NID2: variants seen among roughly 807,000 people sequenced by gnomAD.
The protein encoded by NID2 is nidogen 2, also known as nidogen-2.
Under a neutral mutation model 145.4 loss-of-function variants are expected in NID2, and 83 were observed. That is an observed-to-expected ratio of 0.57 (90% CI 0.48 to 0.69). The LOEUF (loss-of-function observed/expected upper bound fraction) is 0.69, where lower values mean the gene tolerates loss of function less well. Ranked by LOEUF, NID2 falls within the 30% of genes least tolerant of loss-of-function variation. The pLI, the probability that NID2 is intolerant of heterozygous loss-of-function variation, is 0.00. For synonymous variants in NID2, 739 were observed against 701.3 expected (o/e 1.05, Z -0.85); for missense variants, 1,807 against 1,765.7 (o/e 1.02, Z -0.42).
intron 5 of NID2, among the ~76,000 whole-genome samples, chr14:52,044,801 G>T (rs111845598): frequency 5.6e-4 from 85 of 151,944 alleles, no homozygotes; most frequent in Admixed American, 1.8e-3. Context: ...GGGTGGGTTG[G>T]GGGGAGGGGT....
Position 52,054,091 on chromosome 14 carries a change from T to C in NID2, c.998A>G (p.Glu333Gly). The C allele has an allele frequency of 6.2e-7, 1 of 1,614,216 alleles. No homozygotes were observed. The highest frequency in any genetic ancestry group is 1.1e-5 in the South Asian group (1 of 91,082). The change falls in exon 4 of 22, where the codon GAG (glutamate) becomes GGG (glycine). Residue 333 changes from glutamate (E) to glycine (G), a missense_variant. Coordinates refer to ENST00000216286, the MANE Select transcript of NID2 (RefSeq NM_007361.4). ...EEAEYLPGEP[E>G]EALNGHSSID... Reference sequence around the variant, plus strand: ...GCTGCTGTGGCCATTCAATGCCTCCTCTGGTTCACCCGGAAGGTATTCAGC... The same window carrying C: ...GCTGCTGTGGCCATTCAATGCCTCCCCTGGTTCACCCGGAAGGTATTCAGC...
At chr14:52,036,827 T>C (rs2516592) in intron 9 of NID2, among the ~76,000 whole-genome samples, 123,001 of 152,124 alleles carry the variant, frequency 0.81, 49,909 homozygotes, top group South Asian at 0.89. Flanking sequence ...CTTGCAGAGC[T>C]TTTGCCCATC....
chr14:52,005,562 C>T (rs1890740774), intron 21 of NID2, 66 bp from the exon 22 acceptor site: 1 of 1,547,760 alleles, frequency 6.5e-7, no homozygotes, highest in African/African-American at 1.4e-5. Flanking sequence ...GTTGCAACAG[C>T]AAGTCTTTGC....
At chr14:52,009,708 A>G (rs1890932910) in intron 18 of NID2, 1 of 152,244 alleles carries the variant, frequency 6.6e-6, no homozygotes, top group Non-Finnish European at 1.5e-5. Flanking sequence ...CCAAGAAGGA[A>G]TAAGGGGCCG....
At chr14:52,021,430 C>G (rs993038607) in intron 12 of NID2, among the ~76,000 whole-genome samples, 1 of 152,290 alleles carries the variant, frequency 6.6e-6, no homozygotes, top group Non-Finnish European at 1.5e-5. Context: ...CTAGAGTTAC[C>G]TGCACCACCC....
intron 5 of NID2, among the ~76,000 whole-genome samples, chr14:52,052,528 C>T (rs1198435106): frequency 6.6e-6 from 1 of 152,192 alleles, no homozygotes; most frequent in Non-Finnish European, 1.5e-5. Context: ...AACTCGAAGC[C>T]GACACCAATG....
chr14:52,005,891 A>C, intron 20 of NID2, 42 bp from the exon 21 acceptor site: 1 of 1,431,144 alleles, frequency 7.0e-7, no homozygotes, highest in South Asian at 1.1e-5. Flanking sequence ...ACAGTCATTT[A>C]CTAGATAAAG....
intron 15 of NID2, among the ~76,000 whole-genome samples, chr14:52,014,851 T>C (rs1408073405): frequency 1.3e-5 from 2 of 152,124 alleles, no homozygotes; most frequent in African/African-American, 2.4e-5. Context: ...GTTCCAATTA[T>C]GGAAGCTGCT....
chr14:52,040,555 C>T (rs1390322896), intron 8 of NID2, 96 bp downstream of exon 8: 7 of 1,039,672 alleles, frequency 6.7e-6, no homozygotes, highest in African/African-American at 1.6e-5. Flanking sequence ...ATGCACTGTT[C>T]TAAGGACATG....
intron 5 of NID2, among the ~76,000 whole-genome samples, chr14:52,050,619 CT>C (rs1176779308): frequency 6.6e-6 from 1 of 151,304 alleles, no homozygotes; most frequent in African/African-American, 2.4e-5. Context: ...TACAGGACAA[CT>C]TTTTTTTTCA....
intron 3 of NID2, among the ~76,000 whole-genome samples, chr14:52,056,778 C>G (rs2013404): frequency 6.6e-6 from 1 of 151,950 alleles, no homozygotes; most frequent in Admixed American, 6.6e-5. Flanking sequence ...GATGACAGAA[C>G]GAGACTCCAT....
At chr14:52,018,053 G>A (rs534748246) in intron 14 of NID2, among the ~76,000 whole-genome samples, 520 of 152,218 alleles carry the variant, frequency 3.4e-3, no homozygotes, top group African/African-American at 0.012. Context: ...TCTTGACCTC[G>A]TGATCCACCC....
intron 3 of NID2, among the ~76,000 whole-genome samples, chr14:52,054,901 C>T (rs1540701): frequency 0.98 from 149,138 of 152,332 alleles, 73,086 homozygotes; most frequent in Middle Eastern, 1. Context: ...ATCAATCTGC[C>T]CCATAATCCA....
At chr14:52,039,024 AT>A (rs778008847) in intron 8 of NID2, 47 bp from the exon 9 acceptor site, 5 of 1,340,164 alleles carry the variant, frequency 3.7e-6, no homozygotes, top group Non-Finnish European at 5.1e-6. Flanking sequence ...AAATACAGAG[AT>A]TTTCATGTGA....
chr14:52,036,493 CTA>C (rs954042722), intron 9 of NID2, among the ~76,000 whole-genome samples: 3 of 152,112 alleles, frequency 2.0e-5, no homozygotes, highest in Admixed American at 1.3e-4. Flanking sequence ...TTGTGGGGAT[CTA>C]TGTTTTCATT....
intron 9 of NID2, among the ~76,000 whole-genome samples, chr14:52,030,471 C>T (rs553729988): frequency 3.5e-4 from 8 of 23,010 alleles, no homozygotes; most frequent in East Asian, 1.3e-3. Context: ...GACCTTATCT[C>T]GAGAGAAAGA....
In NID2 at chr14:52,042,819, G is replaced by C. The variant is rs776098249; in HGVS notation, c.1542C>G (p.Ser514=). Residue 514 remains serine, a synonymous_variant, in exon 6 of 22, where the codon TCC becomes TCG. Coordinates refer to ENST00000216286, the MANE Select transcript of NID2 (RefSeq NM_007361.4). Reference sequence around the variant, plus strand: ...AGTGCTTCCCATTTCCATAAAACTTGGATTGGCAGTGGCAGCAGAAGCCAG... The same window carrying C: ...AGTGCTTCCCATTTCCATAAAACTTCGATTGGCAGTGGCAGCAGAAGCCAG... ...YATGFCCHCQ[S]KFYGNGKHCL... is the part of the protein sequence containing the mutation. The C allele has an allele frequency of 7.4e-6, 12 of 1,614,040 alleles. No individual in the cohort carries two copies. Among genetic ancestry groups the C allele is most frequent in the Non-Finnish European group, 8.5e-6 (10 of 1,180,024 alleles).
intron 9 of NID2, among the ~76,000 whole-genome samples, chr14:52,030,383 A>G (rs145938981): frequency 0.058 from 8,818 of 151,170 alleles, 337 homozygotes; most frequent in Middle Eastern, 0.13. Flanking sequence ...CATGCCTGTA[A>G]TCCCAGCACT....
In NID2 at chr14:52,006,649, G is replaced by A; in HGVS notation, c.3892C>T (p.Leu1298=). 6.2e-7 allele frequency: 1 copy of A among 1,613,296 alleles called. No homozygotes were observed. The highest frequency in any genetic ancestry group is 8.5e-7 in the Non-Finnish European group (1 of 1,179,554). Residue 1298 remains leucine, a synonymous_variant, in exon 20 of 22, where the codon CTG becomes TTG. Transcript: ENST00000216286. ...LCWADAGTKK[L]ECTLPDGTGR... is the part of the protein sequence containing the mutation. ...GTTCCATCAGGTAGTGTACACTCCA[G>A]TTTTTTGGTTCCTTTTAAAACAAAG... is the stretch of plus-strand genomic sequence containing the variant.
Sources: gnomAD v4.1 joint callset for allele counts (sites outside exome capture counted in the v4.1 genomes callset) on GRCh38, gnomAD v4.1.1 for gene constraint, MANE v1.5 for transcripts, NCBI Gene and HGNC (gene_info 2026-07-23, HGNC 2026-07-21) for gene names.